PDP1: variants seen among roughly 807,000 people sequenced by gnomAD.
PDP1 encodes pyruvate dehyrogenase phosphatase catalytic subunit 1.
A neutral mutation model predicts 37.1 loss-of-function variants in PDP1; 14 were observed. The observed-to-expected ratio is 0.38, with a 90% CI of 0.25 to 0.59. The LOEUF (loss-of-function observed/expected upper bound fraction) is 0.59, where lower values mean the gene tolerates loss of function less well. Among genes scored for constraint, PDP1 ranks in the 20% least tolerant of loss-of-function variants. PDP1 has a pLI of 0.67. For synonymous variants in PDP1, 251 were observed against 243.3 expected, an observed-to-expected ratio of 1.03 and a Z score of -0.29; for missense variants, 544 against 655.3, an observed-to-expected ratio of 0.83 and a Z score of 1.85.
chr8:93,917,803 G>T (rs1810127064), intron 1 of PDP1: 1 of 1,449,094 alleles, frequency 6.9e-7, no homozygotes, highest in South Asian at 1.2e-5. Context: ...CCCCGCCGCC[G>T]CCTCCTCTAA....
Position 93,923,012 on chromosome 8 carries a change from A to G in PDP1, c.953A>G (p.Asn318Ser). Residue 318 changes from asparagine to serine, a missense_variant, in exon 2 of 2, where the codon AAT (asparagine) becomes AGT (serine). Physicochemically the swap from Asn to Ser is conservative, Grantham distance 46. Coordinates refer to ENST00000297598, the MANE Select transcript of PDP1 (RefSeq NM_018444.4). The surrounding 1 kb of genome is among the most constrained non-coding windows in gnomAD (Gnocchi z 4.3). Reference sequence around the variant, plus strand: ...CTGTCTAATGACCACAATGCTCAAAATGAAAGAGAACTAGAACGGCTGAAA... The same window carrying G: ...CTGTCTAATGACCACAATGCTCAAAGTGAAAGAGAACTAGAACGGCTGAAA... ...VTLSNDHNAQ[N>S]ERELERLKLE... 1 of 1,614,204 alleles carries G rather than the reference A, an allele frequency of 6.2e-7. No individual in the cohort carries two copies. The highest frequency in any genetic ancestry group is 8.5e-7 in the Non-Finnish European group (1 of 1,180,046).
At chr8:93,919,598 A>T (rs1810200073) in intron 1 of PDP1, among the ~76,000 whole-genome samples, 1 of 148,968 alleles carries the variant, frequency 6.7e-6, no homozygotes, top group Non-Finnish European at 1.5e-5. Flanking sequence ...CCTGTTATGC[A>T]TCTATCAACC....
rs755168595 is a variant in PDP1, at chr8:93,917,916, T to C, written c.-45+837T>C. 43 of 1,613,410 alleles carry C rather than the reference T, an allele frequency of 2.7e-5. No homozygotes were observed. The East Asian group carries it at 9.4e-4, about 35-fold the overall frequency. ...GCTCCGTGTTGTGATGACAGGAGAA[T>C]GTGTGTGTGTCCCGGGCCCAGACGA... On this transcript the variant is annotated intron_variant, in intron 1 of 1. Transcript: ENST00000297598.
At position 93,925,144 on chromosome 8, in the gene PDP1, T is replaced by C. The variant is rs996031943; in HGVS notation, c.*1471T>C. On this transcript the variant is annotated 3_prime_UTR_variant, in exon 2 of 2. Transcript: ENST00000297598. ...AATAACTTGGGTGTTTAGGAGTCTT[T>C]TCACATTTTTTGGGGATATGAACTA... 1.8e-5 allele frequency: 3 copies of C among 167,044 alleles called. No individual in the cohort carries two copies. Among genetic ancestry groups the C allele is most frequent in the Non-Finnish European group, 1.5e-5 (1 of 68,110 alleles). 10.3% of individuals were successfully genotyped at this position (167,044 alleles called of 1,614,324 possible). A position where few individuals can be genotyped will look rare whatever the true frequency, so the allele number is the denominator to read the frequency against.
rs1810351360 is a variant in PDP1, at chr8:93,923,515, G to A, written c.1456G>A (p.Ala486Thr). 13 of 1,607,262 alleles carry A rather than the reference G, an allele frequency of 8.1e-6. No homozygotes were observed. The highest frequency in any genetic ancestry group is 1.3e-5 in the African/African-American group (1 of 74,796). The change falls in exon 2 of 2, where the codon GCT becomes ACT. Residue 486 changes from alanine to threonine, a missense_variant. Ala to Thr is a moderately conservative substitution (Grantham distance 58). Around this residue, in one of 5 missense-constraint regions of PDP1, gnomAD observed 159 missense variants for 165.5 expected, o/e 0.96. Coordinates refer to ENST00000297598, the MANE Select transcript of PDP1 (RefSeq NM_018444.4). The surrounding 1 kb of genome is among the most constrained non-coding windows in gnomAD (Gnocchi z 4.3). Reference protein sequence around the residue: ...QNAATHLIRHAVGNNEFGTVD... With the variant: ...QNAATHLIRHTVGNNEFGTVD... ...CGCAGCAACCCATCTCATTCGCCACGCTGTGGGCAACAACGAGTTTGGGAC... is the reference window on the plus strand; with the variant it reads ...CGCAGCAACCCATCTCATTCGCCACACTGTGGGCAACAACGAGTTTGGGAC...
Position 93,922,565 on chromosome 8 carries a change from C to T in PDP1, c.506C>T (p.Pro169Leu). ...TATTATATTGCTGTCTCTTTGTTACCCCATGAGACTTTGCTAGAGATTGAA... is the reference window on the plus strand; with the variant it reads ...TATTATATTGCTGTCTCTTTGTTACTCCATGAGACTTTGCTAGAGATTGAA... Reference protein sequence around the residue: ...LFYYIAVSLLPHETLLEIENA... With the variant: ...LFYYIAVSLLLHETLLEIENA... Residue 169 changes from proline to leucine, a missense_variant, in exon 2 of 2, where the codon CCC becomes CTC. Coordinates refer to ENST00000297598, the MANE Select transcript of PDP1 (RefSeq NM_018444.4). This position sits in a 1 kb window ranked among gnomAD's most constrained non-coding sequence, Gnocchi z 4.0. 1 of 1,613,906 alleles carries T rather than the reference C, an allele frequency of 6.2e-7. No individual in the cohort carries two copies. The highest frequency in any genetic ancestry group is 8.5e-7 in the Non-Finnish European group (1 of 1,179,980).
intron 1 of PDP1, chr8:93,917,719 C>T: frequency 2.5e-6 from 3 of 1,186,420 alleles, no homozygotes; most frequent in Non-Finnish European, 3.6e-6. Context: ...ATCCCTCCTC[C>T]ATCCTCTTCC....
Position 93,922,600 on chromosome 8 carries a change from G to A in PDP1, c.541G>A (p.Glu181Lys). The change falls in exon 2 of 2, where the codon GAG becomes AAG. Residue 181 changes from glutamate (E) to lysine (K), a missense_variant. Coordinates refer to ENST00000297598, the MANE Select transcript of PDP1 (RefSeq NM_018444.4). The surrounding 1 kb of genome is among the most constrained non-coding windows in gnomAD (Gnocchi z 4.0). ...ETLLEIENAV[E>K]SGRALLPILQ... ...TTTGCTAGAGATTGAAAATGCAGTG[G>A]AGAGCGGCCGGGCACTGCTACCCAT... 1 of 1,614,092 alleles carries A rather than the reference G, an allele frequency of 6.2e-7. No homozygotes were observed. The highest frequency in any genetic ancestry group is 8.5e-7 in the Non-Finnish European group (1 of 1,180,018).
At position 93,922,435 on chromosome 8, in the gene PDP1, C is replaced by A. The variant is rs565152013; in HGVS notation, c.376C>A (p.Arg126=). 6.2e-7 allele frequency: 1 copy of A among 1,614,082 alleles called. No individual in the cohort carries two copies. Among genetic ancestry groups the A allele is most frequent in the South Asian group, 1.1e-5 (1 of 91,082 alleles). Residue 126 remains arginine (R), a synonymous_variant, in exon 2 of 2, where the codon CGG becomes AGG. Transcript: ENST00000297598. This position sits in a 1 kb window ranked among gnomAD's most constrained non-coding sequence, Gnocchi z 4.0. ...QLPANAPIED[R]RSAATCLQTR... Reference sequence around the variant, plus strand: ...GCCTGCAAATGCACCCATTGAGGACCGGAGAAGTGCAGCAACCTGCTTGCA... The same window carrying A: ...GCCTGCAAATGCACCCATTGAGGACAGGAGAAGTGCAGCAACCTGCTTGCA...
chr8:93,917,876 T>C (rs369219298), intron 1 of PDP1: 5 of 1,612,662 alleles, frequency 3.1e-6, no homozygotes, highest in Non-Finnish European at 4.2e-6. Flanking sequence ...CCCGCGCGGG[T>C]TGTGGATGTT....
Position 93,923,557 on chromosome 8 carries a change from C to T in PDP1, c.1498C>T (p.Leu500Phe). ...GTTTGGGACTGTTGATCATGAGCGC[C>T]TCTCTAAAATGCTTAGTCTTCCTGA... ...NEFGTVDHER[L>F]SKMLSLPEEL... The change falls in exon 2 of 2, where the codon CTC becomes TTC. Residue 500 changes from leucine to phenylalanine, a missense_variant. Around this residue, in one of 5 missense-constraint regions of PDP1, gnomAD observed 159 missense variants for 165.5 expected, o/e 0.96. Transcript: ENST00000297598. The surrounding 1 kb of genome is among the most constrained non-coding windows in gnomAD (Gnocchi z 4.3). 1 of 1,612,652 alleles carries T rather than the reference C, an allele frequency of 6.2e-7. No individual in the cohort carries two copies. Among genetic ancestry groups the T allele is most frequent in the Non-Finnish European group, 8.5e-7 (1 of 1,178,646 alleles).
In PDP1 at chr8:93,917,113, C is replaced by T. The variant is rs533654904; in HGVS notation, c.-45+34C>T. The T allele has an allele frequency of 1.2e-4, 55 of 460,028 alleles. 2 individuals are homozygous for T. The East Asian group carries it at 4.5e-3, about 38-fold the overall frequency. 28.5% of individuals were successfully genotyped at this position (460,028 alleles called of 1,614,324 possible). ...TCCCTACTCCCTGCCACGAGCCGCC[C>T]CGTCCGGGATCCTCCACCCGTCCAA... On this transcript the variant is annotated intron_variant, in intron 1 of 1. Transcript: ENST00000297598.
rs1586157308 is a variant in PDP1 at position 93,923,025 on chromosome 8, A to G, written c.966A>G (p.Leu322=). 2.5e-6 allele frequency: 4 copies of G among 1,614,218 alleles called. 1 individual carries two copies. The South Asian group carries it at 3.3e-5, about 13-fold the overall frequency. Residue 322 remains leucine (L), a synonymous_variant, in exon 2 of 2, where the codon CTA becomes CTG. Coordinates refer to ENST00000297598, the MANE Select transcript of PDP1 (RefSeq NM_018444.4). This position sits in a 1 kb window ranked among gnomAD's most constrained non-coding sequence, Gnocchi z 4.3. ...NDHNAQNERE[L]ERLKLEHPKS... ...ACAATGCTCAAAATGAAAGAGAACT[A>G]GAACGGCTGAAATTGGAACATCCAA...
chr8:93,922,375 G>A lies in PDP1; in HGVS notation c.316G>A (p.Val106Ile). The A allele has an allele frequency of 6.2e-7, 1 of 1,614,196 alleles. No homozygotes were observed. The highest frequency in any genetic ancestry group is 8.5e-7 in the Non-Finnish European group (1 of 1,180,042). The part of the protein sequence containing the change: ...FKVPEFDGKN[V>I]SSILGFDSNQ... Reference sequence around the variant, plus strand: ...AGTGCCAGAATTTGACGGCAAAAATGTCAGTTCTATCCTTGGATTTGACAG... The same window carrying A: ...AGTGCCAGAATTTGACGGCAAAAATATCAGTTCTATCCTTGGATTTGACAG... Residue 106 changes from valine to isoleucine, a missense_variant, in exon 2 of 2, where the codon GTC becomes ATC. Val to Ile is a conservative substitution (Grantham distance 29). Around this residue, in one of 5 missense-constraint regions of PDP1, gnomAD observed 342 missense variants for 414.0 expected, o/e 0.83. Coordinates refer to ENST00000297598, the MANE Select transcript of PDP1 (RefSeq NM_018444.4). The surrounding 1 kb of genome is among the most constrained non-coding windows in gnomAD (Gnocchi z 4.0).
Position 93,923,547 on chromosome 8 carries a change from T to A in PDP1, c.1488T>A (p.Asp496Glu). Reference protein sequence around the residue: ...AVGNNEFGTVDHERLSKMLSL... With the variant: ...AVGNNEFGTVEHERLSKMLSL... ...GCAACAACGAGTTTGGGACTGTTGA[T>A]CATGAGCGCCTCTCTAAAATGCTTA... The change falls in exon 2 of 2, where the codon GAT becomes GAA. Residue 496 changes from aspartate (D) to glutamate (E), a missense_variant. Physicochemically the swap from Asp to Glu is conservative, Grantham distance 45. Transcript: ENST00000297598. This position sits in a 1 kb window ranked among gnomAD's most constrained non-coding sequence, Gnocchi z 4.3. 6.2e-7 allele frequency: 1 copy of A among 1,612,026 alleles called. No individual in the cohort carries two copies. Among genetic ancestry groups the A allele is most frequent in the Non-Finnish European group, 8.5e-7 (1 of 1,178,106 alleles).
At position 93,922,179 on chromosome 8, in the gene PDP1, TCA is replaced by T; in HGVS notation, c.121_122del (p.Gln41GlufsTer46). ...TCTGTTGTTCCTCATCGTACATTCC[TCA>T]GAGTCGACTGAGATACACACCTCAT... ...HLCCSSSYIP[Q>X]SRLRYTPHPA... is the part of the protein sequence containing the mutation. On this transcript the variant is annotated frameshift_variant, in exon 2 of 2. Coordinates refer to ENST00000297598, the MANE Select transcript of PDP1 (RefSeq NM_018444.4). LOFTEE classifies it high-confidence loss of function. The surrounding 1 kb of genome is among the most constrained non-coding windows in gnomAD (Gnocchi z 4.0). 2 of 1,614,204 alleles carry T rather than the reference TCA, an allele frequency of 1.2e-6. No individual in the cohort carries two copies. The highest frequency in any genetic ancestry group is 1.7e-6 in the Non-Finnish European group (2 of 1,180,034).
chr8:93,921,227 G>C (rs1810259274), intron 1 of PDP1: 1 of 974,440 alleles, frequency 1.0e-6, no homozygotes, highest in Non-Finnish European at 1.2e-6. Context: ...TCCTTTACAG[G>C]TTAGAAGAGT....
intron 1 of PDP1, chr8:93,921,086 T>A (rs77607047): frequency 9.8e-5 from 93 of 951,726 alleles, no homozygotes; most frequent in Non-Finnish European, 1.1e-4. Flanking sequence ...TTTTTTTTTT[T>A]AATCATGAAG....
In PDP1 at chr8:93,920,522, G is replaced by A. The variant is rs79074409; in HGVS notation, c.-44-1494G>A. 1,546 of 943,866 alleles carry A rather than the reference G, an allele frequency of 1.6e-3. 17 individuals carry two copies. In the African/African-American group the frequency reaches 0.026, roughly 16 times the overall value. 58.5% of individuals were successfully genotyped at this position (943,866 alleles called of 1,614,324 possible). ...GAAAATATATGTTATTGAGGAAGAA[G>A]AGGGATTTTTTTTCTTGCCCAAATT... On this transcript the variant is annotated intron_variant, in intron 1 of 1. Coordinates refer to ENST00000297598, the MANE Select transcript of PDP1 (RefSeq NM_018444.4).
Sources: allele counts gnomAD v4.1 joint callset (sites outside exome capture counted in the v4.1 genomes callset), GRCh38; gene constraint gnomAD v4.1.1; regional missense constraint gnomAD v4.1.1; non-coding constraint Gnocchi (gnomAD v3.1); transcripts MANE v1.5; gene names NCBI Gene and HGNC (gene_info 2026-07-23, HGNC 2026-07-21).